Variants in SDK2 observed in about 807,000 individuals in gnomAD.
SDK2 encodes the protein sidekick cell adhesion molecule 2, also known as protein sidekick-2.
A neutral mutation model predicts 253.9 loss-of-function variants in SDK2; 105 were observed. That is an observed-to-expected ratio of 0.41 (90% CI 0.35 to 0.49). The LOEUF is 0.49. Ranked by LOEUF, SDK2 falls within the 20% of genes least tolerant of loss-of-function variation. SDK2 has a pLI of 0.06. For missense variants in SDK2, 2,608 were observed against 3,003.0 expected, an observed-to-expected ratio of 0.87 and a Z score of 3.07; for synonymous variants, 1,249 against 1,234.9, an observed-to-expected ratio of 1.01 and a Z score of -0.24.
intron 44 of SDK2, among the ~76,000 whole-genome samples, chr17:73,346,219 A>G (rs888832881): frequency 2.0e-5 from 3 of 152,008 alleles, no homozygotes; most frequent in Non-Finnish European, 4.4e-5. Flanking sequence ...AAGAAAAAAA[A>G]AAAAAAAGAA....
intron 12 of SDK2, among the ~76,000 whole-genome samples, chr17:73,425,618 G>A (rs1006827300): frequency 6.6e-6 from 1 of 151,848 alleles, no homozygotes; most frequent in Non-Finnish European, 1.5e-5. Flanking sequence ...AGTGATTTTC[G>A]TGGCTCAGCC....
At chr17:73,393,421 T>G in intron 27 of SDK2, 139 bp downstream of exon 27, 1 of 633,520 alleles carries the variant, frequency 1.6e-6, no homozygotes, top group Non-Finnish European at 2.5e-6. Flanking sequence ...TAGCTCTGGG[T>G]GACCCATCCC....
At chr17:73,548,199 T>C (rs1297280510) in intron 1 of SDK2, among the ~76,000 whole-genome samples, 1 of 152,210 alleles carries the variant, frequency 6.6e-6, no homozygotes, top group African/African-American at 2.4e-5. Context: ...GTTGAGAGGT[T>C]AAGTCACACG....
chr17:73,353,083 T>C (rs2062552911), intron 40 of SDK2, among the ~76,000 whole-genome samples: 1 of 76,718 alleles, frequency 1.3e-5, no homozygotes. Flanking sequence ...AGAGCAAGAC[T>C]CAGTCTCAAA....
At position 73,371,557 on chromosome 17, in the gene SDK2, G is replaced by A. The variant is rs151329470; in HGVS notation, c.4981-2964C>T. Among the ~76,000 whole-genome samples, 12 of 152,244 alleles carry A rather than the reference G, an allele frequency of 7.9e-5. No homozygotes were observed. In the Middle Eastern group the frequency reaches 0.01, roughly 129 times the overall value. ...GCGGGGATGAGAACCTATTTGGAGCGAGTTCAAGGGAGAAAGAGAGCAGAG... is the reference window on the plus strand; with the variant it reads ...GCGGGGATGAGAACCTATTTGGAGCAAGTTCAAGGGAGAAAGAGAGCAGAG... On this transcript the variant is annotated intron_variant, in intron 36 of 44. Transcript: ENST00000392650.
chr17:73,636,680 C>CAAAAAAAAAAAAAAAA (rs561026344), intron 1 of SDK2, among the ~76,000 whole-genome samples: 14 of 50,988 alleles, frequency 2.7e-4, no homozygotes, highest in South Asian at 1.0e-3. Flanking sequence ...GACTCTGTCT[C>CAAAAAAAAAAAAAAAA]AAAAAAAAAA....
Position 73,338,720 on chromosome 17 carries a change from G to A in SDK2, c.6386C>T (p.Pro2129Leu), listed in dbSNP as rs2062404044. Residue 2129 changes from proline (P) to leucine (L), a missense_variant, in exon 45 of 45, where the codon CCC (proline) becomes CTC (leucine). Transcript: ENST00000392650. This position sits in a 1 kb window ranked among gnomAD's most constrained non-coding sequence, Gnocchi z 5.0. ...TSTQQGSLFRPKASRTPTPQN... is the reference protein window; with the variant it reads ...TSTQQGSLFRLKASRTPTPQN... Reference sequence around the variant, plus strand: ...GGGCGTTGGAGTCCGACTGGCCTTGGGCCGAAAGAGGCTGCCCTGCTGGGT... The same window carrying A: ...GGGCGTTGGAGTCCGACTGGCCTTGAGCCGAAAGAGGCTGCCCTGCTGGGT... The A allele has an allele frequency of 1.2e-6, 2 of 1,612,628 alleles. No homozygotes were observed. Among genetic ancestry groups the A allele is most frequent in the African/African-American group, 1.3e-5 (1 of 74,856 alleles).
chr17:73,377,586 C>T (rs902286818), intron 36 of SDK2, among the ~76,000 whole-genome samples: 53 of 150,758 alleles, frequency 3.5e-4, no homozygotes, highest in South Asian at 1.1e-3. Context: ...TTTCACCCCT[C>T]GGGGGGTGAG....
rs138152327 is a variant in SDK2, at chr17:73,401,686, T to C, written c.2747A>G (p.Gln916Arg). 1.6e-4 allele frequency: 253 copies of C among 1,595,306 alleles called. No individual in the cohort carries two copies. In the African/African-American group the frequency reaches 2.7e-3, roughly 17 times the overall value. ...GATGCCATTTTTCTCTCCCGGCTCT[T>C]GCCAGCTGACCTTCAGCGATGTGTC... ...ILDTSLKVSW[Q>R]EPGEKNGILT... Residue 916 changes from glutamine (Q) to arginine (R), a missense_variant, in exon 20 of 45, where the codon CAA becomes CGA. Around this residue, in one of 2 missense-constraint regions of SDK2, gnomAD observed 1,505 missense variants for 1,859.1 expected, o/e 0.81. Coordinates refer to ENST00000392650, the MANE Select transcript of SDK2 (RefSeq NM_001144952.2).
At position 73,507,330 on chromosome 17, in the gene SDK2, G is replaced by A. The variant is rs768390874; in HGVS notation, c.224+108C>T. ...TCACTTCCAGAACTCCAGGCTCTAG[G>A]AGCCCTGAGCCCCACACTGTCACAC... On this transcript the variant is annotated intron_variant, in intron 2 of 44. Coordinates refer to ENST00000392650, the MANE Select transcript of SDK2 (RefSeq NM_001144952.2). The A allele has an allele frequency of 7.5e-5, 91 of 1,209,240 alleles. No homozygotes were observed. In the Admixed American group the frequency reaches 8.5e-4, roughly 11 times the overall value. 74.9% of individuals were successfully genotyped at this position (1,209,240 alleles called of 1,614,324 possible). A position where few individuals can be genotyped will look rare whatever the true frequency, so the allele number is the denominator to read the frequency against.
intron 18 of SDK2, among the ~76,000 whole-genome samples, chr17:73,406,845 C>G (rs903729050): frequency 1.3e-5 from 2 of 152,154 alleles, no homozygotes; most frequent in Non-Finnish European, 2.9e-5. Flanking sequence ...GTGCGAAGTC[C>G]ATCCCTAGAG....
intron 1 of SDK2, among the ~76,000 whole-genome samples, chr17:73,584,746 G>C (rs1312569863): frequency 1.3e-5 from 2 of 152,318 alleles, no homozygotes; most frequent in East Asian, 3.9e-4. Context: ...GGAGGGTCAG[G>C]CTCCGCATCT....
chr17:73,369,062 C>A, intron 36 of SDK2: 1 of 400,514 alleles, frequency 2.5e-6, no homozygotes, highest in South Asian at 1.8e-5. Context: ...TTTCTGGAAC[C>A]TTCCTTTTCA....
chr17:73,600,067 A>T (rs143083856), intron 1 of SDK2, among the ~76,000 whole-genome samples: 1 of 152,354 alleles, frequency 6.6e-6, no homozygotes, highest in African/African-American at 2.4e-5. Context: ...AAACAACCAC[A>T]AGCACATGGA....
chr17:73,606,380 G>C (rs558962509), intron 1 of SDK2, among the ~76,000 whole-genome samples: 6 of 151,946 alleles, frequency 3.9e-5, no homozygotes, highest in South Asian at 2.1e-4. Flanking sequence ...CTCCTCTGAG[G>C]GGGGGCAGGG....
chr17:73,406,515 G>T (rs908693199), intron 18 of SDK2, among the ~76,000 whole-genome samples: 2 of 151,964 alleles, frequency 1.3e-5, no homozygotes, highest in African/African-American at 2.4e-5. Context: ...CTTCCAAAGT[G>T]TTGGAATTAC....
intron 33 of SDK2, among the ~76,000 whole-genome samples, chr17:73,382,607 C>T (rs2062839991): frequency 6.6e-6 from 1 of 152,276 alleles, no homozygotes; most frequent in East Asian, 1.9e-4. Context: ...CACCACTTTG[C>T]AGCATTTTCT....
intron 1 of SDK2, among the ~76,000 whole-genome samples, chr17:73,595,227 G>A (rs758416852): frequency 6.6e-6 from 1 of 152,048 alleles, no homozygotes; most frequent in Non-Finnish European, 1.5e-5. Flanking sequence ...GAGGAGGGAG[G>A]AAAGGGAGGT....
rs1158493617 is a variant in SDK2, at chr17:73,405,482, AT to A, written c.2485-3342del. On this transcript the variant is annotated intron_variant, in intron 18 of 44. Transcript: ENST00000392650. ...AACAAAAAACCATATATATATATAT[AT>A]ATATATATATATATATATATATATA... 1.7e-3 allele frequency among the ~76,000 whole-genome samples: 131 copies of A among 76,862 alleles called. 12 individuals are homozygous for A. Among genetic ancestry groups the A allele is most frequent in the East Asian group, 0.012 (21 of 1,698 alleles). 50.4% of individuals were successfully genotyped at this position (76,862 alleles called of 152,430 possible). A position where few individuals can be genotyped will look rare whatever the true frequency, so the allele number is the denominator to read the frequency against.
Sources: gnomAD v4.1 joint callset for allele counts (sites outside exome capture counted in the v4.1 genomes callset) on GRCh38, gnomAD v4.1.1 for gene constraint, gnomAD v4.1.1 regional missense constraint, Gnocchi (gnomAD v3.1) non-coding constraint, MANE v1.5 for transcripts, NCBI Gene and HGNC (gene_info 2026-07-23, HGNC 2026-07-21) for gene names.